The following SPPL3 variants were observed in gnomAD, a reference collection of about 807,000 sequenced individuals.
The protein encoded by SPPL3 is signal peptide peptidase-like 3.
Under a neutral mutation model 42.4 loss-of-function variants are expected in SPPL3, and 5 were observed. The observed-to-expected ratio is 0.12, with a 90% CI of 0.06 to 0.25. The LOEUF is 0.25. Ranked by LOEUF, SPPL3 falls within the 10% of genes least tolerant of loss-of-function variation. The pLI, the probability that SPPL3 is intolerant of heterozygous loss-of-function variation, is 1.00. For synonymous variants in SPPL3, 195 were observed against 181.8 expected (o/e 1.07, Z -0.58); for missense variants, 235 against 489.0 (o/e 0.48, Z 4.90).
At position 120,791,542 on chromosome 12, in the gene SPPL3, G is replaced by A. The variant is rs766198568; in HGVS notation, c.117C>T (p.Asp39=). The A allele has an allele frequency of 5.6e-6, 9 of 1,604,306 alleles. No homozygotes were observed. Among genetic ancestry groups the A allele is most frequent in the Admixed American group, 1.7e-5 (1 of 57,766 alleles). ...CTTTCTCCTTATCTTGATTTTCAAAGTCCATATTAAGGGACCTGTGGAAAA... is the reference window on the plus strand; with the variant it reads ...CTTTCTCCTTATCTTGATTTTCAAAATCCATATTAAGGGACCTGTGGAAAA... ...VYGSFRSLNM[D]FENQDKEKDS... The change falls in exon 3 of 11, where the codon GAC becomes GAT. Residue 39 remains aspartate, a synonymous_variant. Transcript: ENST00000353487.
intron 1 of SPPL3, among the ~76,000 whole-genome samples, chr12:120,861,321 A>G (rs1438529516): frequency 6.6e-6 from 1 of 152,238 alleles, no homozygotes; most frequent in Non-Finnish European, 1.5e-5. Flanking sequence ...TGCAGGCCAT[A>G]GTTTGCTTAT....
intron 1 of SPPL3, among the ~76,000 whole-genome samples, chr12:120,891,490 G>C (rs1486851335): frequency 6.6e-6 from 1 of 151,700 alleles, no homozygotes; most frequent in Non-Finnish European, 1.5e-5. Context: ...AAAGAAAACA[G>C]ACTTTTAGAA....
At chr12:120,818,598 CTA>C (rs1729158639) in intron 1 of SPPL3, among the ~76,000 whole-genome samples, 1 of 152,214 alleles carries the variant, frequency 6.6e-6, no homozygotes, top group South Asian at 2.1e-4. Flanking sequence ...ATAACGTGTT[CTA>C]TGTGTCAGCC....
intron 1 of SPPL3, among the ~76,000 whole-genome samples, chr12:120,826,676 G>GT (rs1244386571): frequency 7.2e-5 from 11 of 152,012 alleles, no homozygotes; most frequent in Non-Finnish European, 1.5e-4. Flanking sequence ...TAATACCCTC[G>GT]TTTTTCAGAA....
intron 1 of SPPL3, among the ~76,000 whole-genome samples, chr12:120,876,695 T>A (rs1593007231): frequency 6.6e-6 from 1 of 150,792 alleles, no homozygotes; most frequent in Non-Finnish European, 1.5e-5. Context: ...GTACAGTATG[T>A]ACAGCATGCA....
intron 1 of SPPL3, among the ~76,000 whole-genome samples, chr12:120,827,347 A>AAT (rs1457366192): frequency 3.8e-4 from 37 of 97,074 alleles, no homozygotes; most frequent in East Asian, 2.4e-3. Context: ...TAATAATAAT[A>AAT]ATAATAATAT....
chr12:120,768,259 T>G, intron 8 of SPPL3, 66 bp downstream of exon 8: 1 of 1,538,512 alleles, frequency 6.5e-7, no homozygotes, highest in Non-Finnish European at 8.8e-7. Flanking sequence ...CATTAGAGAC[T>G]GATCAAGGCC....
intron 1 of SPPL3, among the ~76,000 whole-genome samples, chr12:120,821,588 T>C (rs1385270234): frequency 6.6e-6 from 1 of 152,252 alleles, no homozygotes; most frequent in Non-Finnish European, 1.5e-5. Flanking sequence ...GATCCAAGAC[T>C]GCTTTAGAAC....
Position 120,874,366 on chromosome 12 carries a change from T to C in SPPL3, c.23+29479A>G, listed in dbSNP as rs139353386. ...TACTCAGGAGGCTGAGGCAGGAGAATTGATTGAACCTGGGAGGCAGAGGTT... is the reference window on the plus strand; with the variant it reads ...TACTCAGGAGGCTGAGGCAGGAGAACTGATTGAACCTGGGAGGCAGAGGTT... On this transcript the variant is annotated intron_variant, in intron 1 of 10. Coordinates refer to ENST00000353487, the MANE Select transcript of SPPL3 (RefSeq NM_139015.5). 8.8e-3 allele frequency among the ~76,000 whole-genome samples: 1,316 copies of C among 149,526 alleles called. 17 individuals are homozygous for C. Among genetic ancestry groups the C allele is most frequent in the African/African-American group, 0.031 (1,245 of 40,676 alleles).
Position 120,768,618 on chromosome 12 carries a change from T to A in SPPL3, c.610-130A>T. On this transcript the variant is annotated intron_variant, in intron 7 of 10. Coordinates refer to ENST00000353487, the MANE Select transcript of SPPL3 (RefSeq NM_139015.5). Reference sequence around the variant, plus strand: ...GCAATGCTTTCGTTGACTGTATGATTTGAGAAAATCTTTGCTCTTCCTGTG... The same window carrying A: ...GCAATGCTTTCGTTGACTGTATGATATGAGAAAATCTTTGCTCTTCCTGTG... 6 of 1,108,614 alleles carry A rather than the reference T, an allele frequency of 5.4e-6. No individual in the cohort carries two copies. The South Asian group carries it at 9.2e-5, about 17-fold the overall frequency. The allele number at this position is 1,108,614 out of a possible 1,614,324, so 68.7% of individuals were successfully genotyped here. A position where few individuals can be genotyped will look rare whatever the true frequency, so the allele number is the denominator to read the frequency against.
At chr12:120,828,417 G>GA (rs1004496605) in intron 1 of SPPL3, among the ~76,000 whole-genome samples, 19 of 149,038 alleles carry the variant, frequency 1.3e-4, no homozygotes, top group African/African-American at 4.2e-4. Context: ...AAAAAAACTA[G>GA]AAAAAAAAGA....
At chr12:120,837,083 T>C (rs1245824450) in intron 1 of SPPL3, among the ~76,000 whole-genome samples, 1 of 152,228 alleles carries the variant, frequency 6.6e-6, no homozygotes, top group African/African-American at 2.4e-5. Flanking sequence ...TAGTCTGTTT[T>C]ACAGCAATAG....
chr12:120,768,843 C>T lies in SPPL3; in HGVS notation c.609+110G>A. The T allele has an allele frequency of 6.7e-6, 6 of 893,244 alleles. No homozygotes were observed. In the South Asian group the frequency reaches 9.7e-5, roughly 14 times the overall value. The allele number at this position is 893,244 out of a possible 1,614,324, so 55.3% of individuals were successfully genotyped here. Reference sequence around the variant, plus strand: ...AGTTAAGGACTGGAGAGAGAGTGATCAGCAGCTGGGCAAGCCCGACTTTGG... The same window carrying T: ...AGTTAAGGACTGGAGAGAGAGTGATTAGCAGCTGGGCAAGCCCGACTTTGG... On this transcript the variant is annotated intron_variant, in intron 7 of 10. Coordinates refer to ENST00000353487, the MANE Select transcript of SPPL3 (RefSeq NM_139015.5).
At chr12:120,777,906 G>T (rs1869385637) in intron 6 of SPPL3, among the ~76,000 whole-genome samples, 1 of 152,086 alleles carries the variant, frequency 6.6e-6, no homozygotes, top group South Asian at 2.1e-4. Context: ...GGGTGATTTT[G>T]ACTTTGCCTT....
intron 1 of SPPL3, among the ~76,000 whole-genome samples, chr12:120,872,995 T>C (rs1412639342): frequency 6.6e-6 from 1 of 151,984 alleles, no homozygotes; most frequent in Admixed American, 6.6e-5. Context: ...AAGACCCATA[T>C]CCAGATGAAA....
chr12:120,778,900 C>T (rs1229295731), intron 6 of SPPL3, among the ~76,000 whole-genome samples: 2 of 152,066 alleles, frequency 1.3e-5, no homozygotes, highest in Non-Finnish European at 2.9e-5. Context: ...AAAATACAAT[C>T]ATTTTTGTCA....
chr12:120,767,615 TAGTGACGTC>T, intron 8 of SPPL3, 22 bp from the exon 9 acceptor site: 1 of 1,612,762 alleles, frequency 6.2e-7, no homozygotes, highest in Non-Finnish European at 8.5e-7. Context: ...TTTCACAGGT[TAGTGACGTC>T]ACACTCTACA....
intron 1 of SPPL3, among the ~76,000 whole-genome samples, chr12:120,848,041 A>T (rs982807881): frequency 6.6e-6 from 1 of 152,228 alleles, no homozygotes; most frequent in African/African-American, 2.4e-5. Flanking sequence ...AGTCTTGTTC[A>T]TCACACTGGT....
At chr12:120,811,583 G>A (rs1204586623) in intron 1 of SPPL3, 1 of 152,086 alleles carries the variant, frequency 6.6e-6, no homozygotes, top group East Asian at 1.9e-4. Context: ...CTATGGCTCG[G>A]CTATTGGAAA....
Sources: gnomAD v4.1 joint callset for allele counts (sites outside exome capture counted in the v4.1 genomes callset) on GRCh38, gnomAD v4.1.1 for gene constraint, MANE v1.5 for transcripts, NCBI Gene and HGNC (gene_info 2026-07-23, HGNC 2026-07-21) for gene names.